Variants in SGCD observed in about 807,000 individuals in gnomAD.
SGCD encodes the protein delta-sarcoglycan.
SGCD carries 18 observed loss-of-function variants against 36.6 expected under a neutral mutation model. The ratio of observed to expected loss-of-function variants is 0.49; its 90% CI spans 0.34 to 0.73. The LOEUF is 0.73. Among genes scored for constraint, SGCD ranks in the 30% least tolerant of loss-of-function variants. The probability of loss-of-function intolerance (pLI) is 0.01; values close to 1 mark genes in which losing one functional copy is unlikely to be tolerated. For synonymous variants in SGCD, 133 were observed against 130.6 expected, an observed-to-expected ratio of 1.02 and a Z score of -0.12; for missense variants, 387 against 346.7, an observed-to-expected ratio of 1.12 and a Z score of -0.92.
At chr5:156,686,659 C>T (rs534193729) in intron 7 of SGCD, among the ~76,000 whole-genome samples, 2 of 152,214 alleles carry the variant, frequency 1.3e-5, no homozygotes, top group African/African-American at 2.4e-5. Context: ...GACAAAGCAG[C>T]AGCTGATTAT....
chr5:155,797,440 A>C, the SGCD span, among the ~76,000 whole-genome samples: 1 of 152,224 alleles, frequency 6.6e-6, no homozygotes, highest in Non-Finnish European at 1.5e-5. Context: ...AAACTATTTT[A>C]TTATATGCAT....
the SGCD span, among the ~76,000 whole-genome samples, chr5:155,805,857 T>A: frequency 6.6e-6 from 1 of 152,208 alleles, no homozygotes; most frequent in Non-Finnish European, 1.5e-5. Context: ...AGGACTGATG[T>A]TGTTTTGCAA....
chr5:156,672,618 C>G (rs1280775079), intron 7 of SGCD, among the ~76,000 whole-genome samples: 3 of 152,206 alleles, frequency 2.0e-5, no homozygotes, highest in Non-Finnish European at 4.4e-5. Context: ...TTTCAACTTC[C>G]AAAGCATTGT....
intron 4 of SGCD, among the ~76,000 whole-genome samples, chr5:156,580,657 A>G (rs898106270): frequency 1.3e-5 from 2 of 152,100 alleles, no homozygotes; most frequent in African/African-American, 2.4e-5. Context: ...TTGATCTTCA[A>G]TCACTGATAA....
intron 7 of SGCD, among the ~76,000 whole-genome samples, chr5:156,730,553 A>T (rs966692201): frequency 2.6e-5 from 4 of 152,068 alleles, no homozygotes; most frequent in African/African-American, 9.7e-5. Context: ...AAAGGATATG[A>T]TTTCATTTTT....
chr5:156,018,023 G>A (rs1759021709), intron 1 of SGCD, among the ~76,000 whole-genome samples: 1 of 151,972 alleles, frequency 6.6e-6, no homozygotes, highest in Admixed American at 6.6e-5. Flanking sequence ...ATCTGGGCAT[G>A]GTGGTGAGCA....
rs140679762 is a variant in SGCD, at chr5:156,255,724, T to A, written c.-43-73810T>A. Among the ~76,000 whole-genome samples, 463 of 152,340 alleles carry A rather than the reference T, an allele frequency of 3.0e-3. 10 individuals are homozygous for A. The South Asian group carries it at 0.036, about 12-fold the overall frequency. ...TGTTGTATCTTGTTTTCATTCATAA[T>A]CGTTCTTATTTGAACCTTCTGTCCT... On this transcript the variant is annotated intron_variant, in intron 3 of 9. Coordinates refer to the SGCD transcript ENST00000517913.
At chr5:156,387,362 T>A (rs1261220262) in intron 3 of SGCD, among the ~76,000 whole-genome samples, 2 of 152,204 alleles carry the variant, frequency 1.3e-5, no homozygotes, top group Admixed American at 6.5e-5. Context: ...TGCTACACCC[T>A]GGCAAATGAT....
At chr5:155,921,859 A>C (rs1045430509) in intron 1 of SGCD, among the ~76,000 whole-genome samples, 2 of 152,222 alleles carry the variant, frequency 1.3e-5, no homozygotes, top group Non-Finnish European at 2.9e-5. Context: ...CTGTAATAAG[A>C]ATGCAATCAA....
At chr5:155,794,443 T>A in the SGCD span, among the ~76,000 whole-genome samples, 40 of 152,202 alleles carry the variant, frequency 2.6e-4, no homozygotes, top group Admixed American at 2.5e-3. Context: ...AATGGAACTG[T>A]GTGAAAGTGG....
intron 1 of SGCD, among the ~76,000 whole-genome samples, chr5:156,018,149 C>A (rs923472053): frequency 6.6e-6 from 1 of 152,074 alleles, no homozygotes; most frequent in Admixed American, 6.6e-5. Flanking sequence ...CGGTGAGACC[C>A]TGTCTTAGTA....
intron 7 of SGCD, among the ~76,000 whole-genome samples, chr5:156,668,267 A>G (rs1303948092): frequency 1.3e-5 from 2 of 152,210 alleles, no homozygotes; most frequent in East Asian, 3.8e-4. Flanking sequence ...TTTCAAGACT[A>G]GTTAACCCAA....
At chr5:155,779,186 G>T in the SGCD span, among the ~76,000 whole-genome samples, 5 of 152,122 alleles carry the variant, frequency 3.3e-5, no homozygotes, top group African/African-American at 1.2e-4. Context: ...TCCACGTGCA[G>T]ACTCCACTTT....
At chr5:155,881,646 C>A (rs1755889280) in intron 1 of SGCD, among the ~76,000 whole-genome samples, 1 of 152,184 alleles carries the variant, frequency 6.6e-6, no homozygotes, top group African/African-American at 2.4e-5. Context: ...TTGATGGATT[C>A]TTCCTTTCAC....
intron 7 of SGCD, among the ~76,000 whole-genome samples, chr5:156,677,317 A>G (rs901146845): frequency 2.0e-5 from 3 of 152,238 alleles, no homozygotes; most frequent in South Asian, 2.1e-4. Context: ...CATATACACT[A>G]TGGAATACTA....
chr5:155,954,165 T>C (rs1288022623), intron 1 of SGCD, among the ~76,000 whole-genome samples: 2 of 152,196 alleles, frequency 1.3e-5, no homozygotes, highest in Non-Finnish European at 2.9e-5. Context: ...ACTGTTTTTC[T>C]ATTTGTAAAA....
intron 4 of SGCD, among the ~76,000 whole-genome samples, chr5:156,588,770 C>A (rs560065335): frequency 1.3e-4 from 20 of 152,238 alleles, no homozygotes; most frequent in Non-Finnish European, 1.8e-4. Flanking sequence ...TGGGTATGCC[C>A]GAGGGGCAGA....
intron 7 of SGCD, among the ~76,000 whole-genome samples, chr5:156,716,984 T>A (rs945232149): frequency 6.6e-6 from 1 of 152,236 alleles, no homozygotes; most frequent in African/African-American, 2.4e-5. Flanking sequence ...TCTTTGTTTC[T>A]GAAAATGTAT....
chr5:156,496,077 T>C (rs1008579977), intron 3 of SGCD, among the ~76,000 whole-genome samples: 3 of 152,164 alleles, frequency 2.0e-5, no homozygotes, highest in African/African-American at 7.2e-5. Flanking sequence ...GTTGTGGGCA[T>C]CACTTCCTGA....
Sources: allele counts gnomAD v4.1 joint callset (sites outside exome capture counted in the v4.1 genomes callset), GRCh38; gene constraint gnomAD v4.1.1; transcripts MANE v1.5; gene names NCBI Gene and HGNC (gene_info 2026-07-23, HGNC 2026-07-21).